RGS7: variants seen among roughly 807,000 people sequenced by gnomAD.
The protein encoded by RGS7 is regulator of G protein signaling 7, also known as regulator of G-protein signaling 7.
Under a neutral mutation model 81.1 loss-of-function variants are expected in RGS7, and 27 were observed. The observed-to-expected ratio is 0.33, with a 90% CI of 0.25 to 0.46. The LOEUF (loss-of-function observed/expected upper bound fraction) is 0.46, where lower values mean the gene tolerates loss of function less well. RGS7 is among the 20% of genes least tolerant of loss of function. The pLI is 1.00. For missense variants in RGS7, 396 were observed against 607.4 expected, an observed-to-expected ratio of 0.65 and a Z score of 3.66; for synonymous variants, 208 against 207.7, an observed-to-expected ratio of 1.00 and a Z score of -0.01.
At position 240,889,969 on chromosome 1, in the gene RGS7, T is replaced by C. The variant is rs576221036; in HGVS notation, c.386-19850A>G. 2.9e-4 allele frequency among the ~76,000 whole-genome samples: 44 copies of C among 152,272 alleles called. 2 individuals carry two copies. Among genetic ancestry groups the C allele is most frequent in the Admixed American group, 2.6e-3 (40 of 15,284 alleles). On this transcript the variant is annotated intron_variant, in intron 6 of 18. Coordinates refer to ENST00000440928, the MANE Select transcript of RGS7 (RefSeq NM_001364886.1). The stretch of plus-strand genomic sequence containing the variant: ...AGGGATTTGTCTGACCCGTGTACAA[T>C]TATCTCTCAGAGTTTCCACCTTTTG...
At chr1:241,195,029 T>C (rs554038659) in intron 2 of RGS7, among the ~76,000 whole-genome samples, 6 of 152,288 alleles carry the variant, frequency 3.9e-5, no homozygotes, top group African/African-American at 1.2e-4. Context: ...GCTCAAGTCC[T>C]AAAGGATTAA....
At chr1:241,263,043 G>A (rs1011043672) in intron 2 of RGS7, among the ~76,000 whole-genome samples, 2 of 150,338 alleles carry the variant, frequency 1.3e-5, no homozygotes, top group African/African-American at 4.9e-5. Context: ...AGGTTGCAGT[G>A]AGCCGAGATC....
chr1:241,325,817 A>G (rs1433874569), intron 2 of RGS7, among the ~76,000 whole-genome samples: 1 of 152,198 alleles, frequency 6.6e-6, no homozygotes, highest in African/African-American at 2.4e-5. Context: ...GAGGAGGAAG[A>G]GGAGGAGGAA....
chr1:240,795,716 G>A (rs1686940245), intron 18 of RGS7, among the ~76,000 whole-genome samples: 1 of 152,076 alleles, frequency 6.6e-6, no homozygotes, highest in Non-Finnish European at 1.5e-5. Flanking sequence ...ATTTTGCATG[G>A]TTAATAAATA....
intron 2 of RGS7, among the ~76,000 whole-genome samples, chr1:241,254,993 C>T (rs1352447647): frequency 1.3e-5 from 2 of 152,172 alleles, no homozygotes; most frequent in Admixed American, 6.6e-5. Context: ...GATGGAGAAA[C>T]ATAGGCCTCA....
intron 2 of RGS7, among the ~76,000 whole-genome samples, chr1:241,200,296 T>G (rs939643610): frequency 6.6e-6 from 1 of 152,208 alleles, no homozygotes; most frequent in African/African-American, 2.4e-5. Flanking sequence ...TCCCATGATT[T>G]TTTTAAAAAA....
chr1:241,301,612 A>G (rs528580868), intron 2 of RGS7, among the ~76,000 whole-genome samples: 1 of 152,358 alleles, frequency 6.6e-6, no homozygotes, highest in East Asian at 1.9e-4. Context: ...CCACAATTCA[A>G]AAGAACCAGC....
intron 3 of RGS7, chr1:240,998,800 G>T: frequency 1.6e-6 from 1 of 643,832 alleles, no homozygotes; most frequent in South Asian, 1.4e-5. Flanking sequence ...GCCATGGCAC[G>T]GGTGAGTGTG....
chr1:241,186,067 A>C (rs1264247466), intron 2 of RGS7, among the ~76,000 whole-genome samples: 1 of 152,152 alleles, frequency 6.6e-6, no homozygotes, highest in East Asian at 1.9e-4. Context: ...AAACTGACAA[A>C]TTTCTAGCCA....
At chr1:241,305,069 A>C (rs1275955086) in intron 2 of RGS7, among the ~76,000 whole-genome samples, 1 of 152,248 alleles carries the variant, frequency 6.6e-6, no homozygotes, top group Non-Finnish European at 1.5e-5. Context: ...TTTAAATGGT[A>C]CATGCTTCAT....
intron 2 of RGS7, among the ~76,000 whole-genome samples, chr1:241,130,603 T>C (rs1356342456): frequency 1.3e-5 from 2 of 151,988 alleles, no homozygotes; most frequent in Non-Finnish European, 2.9e-5. Context: ...CATGACTTCA[T>C]GCCAAAAAAA....
In RGS7 at chr1:241,007,832, G is replaced by A. The variant is rs114478116; in HGVS notation, c.176-24703C>T. 2.4e-3 allele frequency among the ~76,000 whole-genome samples: 367 copies of A among 152,250 alleles called. 4 individuals carry two copies. The highest frequency in any genetic ancestry group is 8.2e-3 in the African/African-American group (341 of 41,546). On this transcript the variant is annotated intron_variant, in intron 3 of 18. Transcript: ENST00000440928. ...AGGTCCTGAGGGCCCAGGTGAGGGT[G>A]GAAAGCACCTGTGATTAAGGCGCTG...
chr1:240,776,477 G>A (rs886601171), intron 18 of RGS7, among the ~76,000 whole-genome samples: 1 of 150,366 alleles, frequency 6.7e-6, no homozygotes, highest in Non-Finnish European at 1.5e-5. Context: ...ACAGACTGAT[G>A]GTTTCACAGC....
chr1:241,276,778 A>G (rs2078214533), intron 2 of RGS7, among the ~76,000 whole-genome samples: 1 of 152,260 alleles, frequency 6.6e-6, no homozygotes, highest in African/African-American at 2.4e-5. Context: ...AAAAGCAGTG[A>G]ATAAAATCAT....
intron 3 of RGS7, among the ~76,000 whole-genome samples, chr1:241,004,740 C>A (rs1237898995): frequency 2.0e-5 from 3 of 152,202 alleles, no homozygotes; most frequent in Non-Finnish European, 4.4e-5. Flanking sequence ...GAGCAGCATT[C>A]CTTCCTTCTG....
At chr1:241,186,441 T>TC (rs1473867507) in intron 2 of RGS7, 7 of 939,488 alleles carry the variant, frequency 7.5e-6, no homozygotes, top group Non-Finnish European at 8.9e-6. Context: ...TTGTTTTTTT[T>TC]CTAGCATTTT....
intron 2 of RGS7, among the ~76,000 whole-genome samples, chr1:241,146,855 T>C (rs894324850): frequency 4.6e-5 from 7 of 152,192 alleles, no homozygotes; most frequent in African/African-American, 1.7e-4. Flanking sequence ...TTCTGATTCA[T>C]AGATGATGCT....
intron 2 of RGS7, among the ~76,000 whole-genome samples, chr1:241,261,747 G>A (rs528030611): frequency 6.3e-5 from 9 of 142,658 alleles, no homozygotes; most frequent in Middle Eastern, 3.5e-3. Context: ...TAAGGATCAG[G>A]AGCCATAATG....
At chr1:241,048,361 ACT>A (rs1172413728) in intron 3 of RGS7, among the ~76,000 whole-genome samples, 2 of 151,810 alleles carry the variant, frequency 1.3e-5, no homozygotes, top group African/African-American at 4.8e-5. Flanking sequence ...AAAAATAAAT[ACT>A]CTTTTATAAA....
Sources: gnomAD v4.1 joint callset for allele counts (sites outside exome capture counted in the v4.1 genomes callset) on GRCh38, gnomAD v4.1.1 for gene constraint, MANE v1.5 for transcripts, NCBI Gene and HGNC (gene_info 2026-07-23, HGNC 2026-07-21) for gene names.